The following KMT2E variants were observed in gnomAD, a reference collection of about 807,000 sequenced individuals.
KMT2E encodes the protein lysine methyltransferase 2E (inactive), also known as histone reader KMT2E.
KMT2E carries 30 observed loss-of-function variants against 184.6 expected under a neutral mutation model. The ratio of observed to expected loss-of-function variants is 0.16; its 90% CI spans 0.12 to 0.22. The LOEUF (loss-of-function observed/expected upper bound fraction) is 0.22. Among genes scored for constraint, KMT2E ranks in the 10% least tolerant of loss-of-function variants. The probability of loss-of-function intolerance (pLI) is 1.00; values close to 1 mark genes in which losing one functional copy is unlikely to be tolerated. For missense variants in KMT2E, 2,023 were observed against 2,237.4 expected, an observed-to-expected ratio of 0.90 and a Z score of 1.93; for synonymous variants, 815 against 776.5, an observed-to-expected ratio of 1.05 and a Z score of -0.82.
chr7:105,029,286 G>T (rs556145731), intron 1 of KMT2E, among the ~76,000 whole-genome samples: 109 of 152,226 alleles, frequency 7.2e-4, no homozygotes, highest in African/African-American at 2.5e-3. Flanking sequence ...ATTGCCATAG[G>T]TCATTTCAGG....
chr7:105,018,518 G>A (rs1212026911), intron 1 of KMT2E, among the ~76,000 whole-genome samples: 1 of 152,130 alleles, frequency 6.6e-6, no homozygotes. Flanking sequence ...TCCCTGTTAT[G>A]TGTTAGAATA....
At chr7:105,066,504 G>T (rs1797032414) in intron 5 of KMT2E, among the ~76,000 whole-genome samples, 1 of 151,960 alleles carries the variant, frequency 6.6e-6, no homozygotes, top group Non-Finnish European at 1.5e-5. Flanking sequence ...TTTTAAAATT[G>T]TATCTGCTTT....
intron 3 of KMT2E, among the ~76,000 whole-genome samples, chr7:105,050,723 G>GTCTGTCTT (rs1340394458): frequency 1.7e-5 from 2 of 120,446 alleles, no homozygotes. Flanking sequence ...CTGTCTGTCT[G>GTCTGTCTT]TCTGTCTTTC....
chr7:105,029,722 G>A (rs1173286670), intron 1 of KMT2E, among the ~76,000 whole-genome samples: 1 of 152,160 alleles, frequency 6.6e-6, no homozygotes, highest in Non-Finnish European at 1.5e-5. Context: ...GGAAAAGAAA[G>A]TTTCACTTTG....
Position 105,063,470 on chromosome 7 carries a change from T to C in KMT2E, c.306T>C (p.Ser102=). The C allele has an allele frequency of 1.2e-6, 2 of 1,613,860 alleles. No individual in the cohort carries two copies. The highest frequency in any genetic ancestry group is 8.5e-7 in the Non-Finnish European group (1 of 1,179,782). The change falls in exon 5 of 27, where the codon AGT becomes AGC. Residue 102 remains serine, a synonymous_variant. Coordinates refer to ENST00000311117, the MANE Select transcript of KMT2E (RefSeq NM_182931.3). The part of the protein sequence containing the change: ...FTTPNFDETS[S]ATTISTSEDG... ...CTCCTAATTTTGATGAAACTTCCAG[T>C]GCTACTACAATCAGCACATCTGAGG...
At chr7:105,020,039 C>T (rs1794883182) in intron 1 of KMT2E, among the ~76,000 whole-genome samples, 2 of 148,342 alleles carry the variant, frequency 1.3e-5, no homozygotes, top group East Asian at 2.0e-4. Flanking sequence ...ACCCAGGAGG[C>T]GGAGGTTGCA....
chr7:105,023,536 C>A (rs1306076025), intron 1 of KMT2E, among the ~76,000 whole-genome samples: 4 of 149,832 alleles, frequency 2.7e-5, no homozygotes, highest in Non-Finnish European at 4.4e-5. Context: ...GCTCCGCCTT[C>A]CGGGTTCATG....
Position 105,078,167 on chromosome 7 carries a change from G to A in KMT2E, c.1131-679G>A, listed in dbSNP as rs185623107. On this transcript the variant is annotated intron_variant, in intron 11 of 26. Transcript: ENST00000311117. ...TTATGTAGCAGATTTGATCTGAAAC[G>A]GTATAAGACAGATACTTTTAAATGC... Among the ~76,000 whole-genome samples, 40 of 152,206 alleles carry A rather than the reference G, an allele frequency of 2.6e-4. 1 individual carries two copies. The South Asian group carries it at 7.3e-3, about 28-fold the overall frequency.
At chr7:105,053,608 C>CA (rs1416904753) in intron 3 of KMT2E, among the ~76,000 whole-genome samples, 1 of 152,164 alleles carries the variant, frequency 6.6e-6, no homozygotes, top group Non-Finnish European at 1.5e-5. Flanking sequence ...CACAGTGGCT[C>CA]ATGCCTGTAA....
rs765858072 is a variant in KMT2E at position 105,112,009 on chromosome 7, A to C, written c.4253A>C (p.Gln1418Pro). 1 of 1,614,206 alleles carries C rather than the reference A, an allele frequency of 6.2e-7. No individual in the cohort carries two copies. Among genetic ancestry groups the C allele is most frequent in the South Asian group, 1.1e-5 (1 of 91,084 alleles). Residue 1418 changes from glutamine (Q) to proline (P), a missense_variant, in exon 27 of 27, where the codon CAG becomes CCG. This residue lies in a region of KMT2E where 1,108 missense variants were observed against 1,050.9 expected (regional missense o/e 1.05). Coordinates refer to ENST00000311117, the MANE Select transcript of KMT2E (RefSeq NM_182931.3). Reference sequence around the variant, plus strand: ...GCACTTTCAAAGAATCATCCTCCTCAGACACACGTTCGTAATTCATCTGAG... The same window carrying C: ...GCACTTTCAAAGAATCATCCTCCTCCGACACACGTTCGTAATTCATCTGAG... ...NQALSKNHPP[Q>P]THVRNSSEQL...
At chr7:105,065,681 C>G (rs1356364291) in intron 5 of KMT2E, among the ~76,000 whole-genome samples, 1 of 152,192 alleles carries the variant, frequency 6.6e-6, no homozygotes, top group Non-Finnish European at 1.5e-5. Context: ...TTTGTCTCCT[C>G]TCTCTTTCCT....
At chr7:105,110,174 C>A in intron 23 of KMT2E, 106 bp from the exon 24 acceptor site, 6 of 881,522 alleles carry the variant, frequency 6.8e-6, no homozygotes, top group Non-Finnish European at 1.1e-5. Context: ...AGTATTTTCC[C>A]AGTAGATCAA....
At chr7:105,048,982 T>C (rs1468834185) in intron 3 of KMT2E, among the ~76,000 whole-genome samples, 3 of 152,166 alleles carry the variant, frequency 2.0e-5, no homozygotes, top group Admixed American at 6.5e-5. Flanking sequence ...TAAATATAAT[T>C]AGGTAGAGGG....
At chr7:105,110,421 T>C in intron 24 of KMT2E, 53 bp downstream of exon 24, 1 of 1,614,078 alleles carries the variant, frequency 6.2e-7, no homozygotes, top group South Asian at 1.1e-5. Flanking sequence ...TCACTCTGCA[T>C]CCTCGTTCTT....
chr7:105,049,736 C>CA (rs1180508052), intron 3 of KMT2E, among the ~76,000 whole-genome samples: 5 of 152,020 alleles, frequency 3.3e-5, no homozygotes, highest in South Asian at 4.2e-4. Flanking sequence ...ACTAAAAATA[C>CA]AAAAAATTAG....
chr7:105,014,877 A>G (rs879904889), intron 1 of KMT2E, among the ~76,000 whole-genome samples: 2 of 152,090 alleles, frequency 1.3e-5, no homozygotes, highest in Non-Finnish European at 2.9e-5. Flanking sequence ...GACTGTTAGT[A>G]GGGTTTGTGT....
rs1354207340 is a variant in KMT2E at position 105,087,207 on chromosome 7, TTATATAA to T, written c.1359-2795_1359-2789del. On this transcript the variant is annotated intron_variant, in intron 13 of 26. Transcript: ENST00000311117. ...TAGCATATACATGCTATATATATGC[TTATATAA>T]TATATATTATATAAGCATATATATA... 2.7e-4 allele frequency among the ~76,000 whole-genome samples: 39 copies of T among 146,736 alleles called. No homozygotes were observed. The East Asian group carries it at 7.4e-3, about 28-fold the overall frequency.
At chr7:105,069,336 A>G (rs537510282) in intron 6 of KMT2E, among the ~76,000 whole-genome samples, 2 of 152,340 alleles carry the variant, frequency 1.3e-5, no homozygotes, top group East Asian at 1.9e-4. Flanking sequence ...CTAGTTGTCA[A>G]CAATACAGAG....
intron 17 of KMT2E, 190 bp downstream of exon 17, chr7:105,102,384 A>C (rs1030173333): frequency 6.5e-6 from 3 of 462,944 alleles, no homozygotes; most frequent in Non-Finnish European, 1.1e-5. Context: ...TACTGTGAAG[A>C]TAAAGTTACA....
Sources: allele counts gnomAD v4.1 joint callset (sites outside exome capture counted in the v4.1 genomes callset), GRCh38; gene constraint gnomAD v4.1.1; regional missense constraint gnomAD v4.1.1; transcripts MANE v1.5; gene names NCBI Gene and HGNC (gene_info 2026-07-23, HGNC 2026-07-21).